RERG: variants seen among roughly 807,000 people sequenced by gnomAD.
RERG encodes RAS like estrogen regulated growth inhibitor.
A neutral mutation model predicts 23.2 loss-of-function variants in RERG; 25 were observed. The ratio of observed to expected loss-of-function variants is 1.08; its 90% CI spans 0.79 to 1.50. RERG has a LOEUF of 1.50. RERG is among the 40% of genes most tolerant of loss of function. RERG has a pLI of 0.00. For missense variants in RERG, 253 were observed against 250.1 expected, an observed-to-expected ratio of 1.01 and a Z score of -0.08; for synonymous variants, 81 against 89.1, an observed-to-expected ratio of 0.91 and a Z score of 0.51.
intron 2 of RERG, among the ~76,000 whole-genome samples, chr12:15,136,077 G>A (rs1427101625): frequency 6.6e-6 from 1 of 151,986 alleles, no homozygotes; most frequent in African/African-American, 2.4e-5. Flanking sequence ...TTCTTTAATA[G>A]GTATATGCCT....
At chr12:15,215,901 C>T (rs1865435352) in intron 2 of RERG, among the ~76,000 whole-genome samples, 1 of 152,160 alleles carries the variant, frequency 6.6e-6, no homozygotes, top group Non-Finnish European at 1.5e-5. Context: ...GTGGTTCTCT[C>T]AGCTGAGTTT....
chr12:15,129,073 C>T (rs114080395), intron 2 of RERG, among the ~76,000 whole-genome samples: 246 of 152,206 alleles, frequency 1.6e-3, no homozygotes, highest in East Asian at 6.0e-3. Flanking sequence ...ATCCCAGGAC[C>T]GAGTGAGTCC....
At chr12:15,154,674 C>G (rs919793139) in intron 2 of RERG, among the ~76,000 whole-genome samples, 1 of 152,142 alleles carries the variant, frequency 6.6e-6, no homozygotes, top group Non-Finnish European at 1.5e-5. Flanking sequence ...TGTGGCAGCT[C>G]GTTGGTCTCC....
chr12:15,201,748 T>C (rs1327695917), intron 2 of RERG, among the ~76,000 whole-genome samples: 1 of 151,282 alleles, frequency 6.6e-6, no homozygotes, highest in Non-Finnish European at 1.5e-5. Flanking sequence ...TATTAATTAT[T>C]AGTAATTGTT....
At chr12:15,207,355 GA>G (rs1865306008) in intron 2 of RERG, among the ~76,000 whole-genome samples, 2 of 152,064 alleles carry the variant, frequency 1.3e-5, no homozygotes. Flanking sequence ...GGATGAAAAT[GA>G]ACATCTATAC....
chr12:15,175,175 T>C (rs1383769178), intron 2 of RERG, among the ~76,000 whole-genome samples: 1 of 151,902 alleles, frequency 6.6e-6, no homozygotes, highest in Non-Finnish European at 1.5e-5. Flanking sequence ...GTTTTTTTTT[T>C]TGTTTTGTAA....
At chr12:15,177,386 G>C (rs921088184) in intron 2 of RERG, among the ~76,000 whole-genome samples, 7 of 152,174 alleles carry the variant, frequency 4.6e-5, no homozygotes, top group African/African-American at 1.7e-4. Flanking sequence ...CCAGGAGGTG[G>C]AGGTTGCAGT....
intron 2 of RERG, among the ~76,000 whole-genome samples, chr12:15,160,584 A>G (rs528965048): frequency 6.6e-6 from 1 of 152,296 alleles, no homozygotes; most frequent in African/African-American, 2.4e-5. Context: ...TATTTATCCC[A>G]CAGGATAATT....
intron 2 of RERG, among the ~76,000 whole-genome samples, chr12:15,198,816 TC>T (rs1865179405): frequency 6.6e-6 from 1 of 152,160 alleles, no homozygotes; most frequent in Non-Finnish European, 1.5e-5. Flanking sequence ...TCTTCCTTTG[TC>T]ACATCTCCCC....
chr12:15,164,258 A>C (rs1260547591), intron 2 of RERG, among the ~76,000 whole-genome samples: 1 of 152,158 alleles, frequency 6.6e-6, no homozygotes, highest in Non-Finnish European at 1.5e-5. Context: ...AGAGCTTCTG[A>C]AGTAAGCTCA....
At chr12:15,118,707 G>GC (rs11304709) in intron 3 of RERG, among the ~76,000 whole-genome samples, 93 of 150,830 alleles carry the variant, frequency 6.2e-4, no homozygotes, top group South Asian at 2.1e-3. Context: ...TGTCTGGCAT[G>GC]CCCCCCCCCA....
intron 2 of RERG, among the ~76,000 whole-genome samples, chr12:15,177,704 A>ATTTTTAT (rs1864869625): frequency 6.6e-6 from 1 of 152,172 alleles, no homozygotes; most frequent in African/African-American, 2.4e-5. Context: ...TCTTACAAAC[A>ATTTTTAT]TTTAGGCTCC....
At chr12:15,116,101 T>C (rs1247155915) in intron 3 of RERG, among the ~76,000 whole-genome samples, 1 of 152,208 alleles carries the variant, frequency 6.6e-6, no homozygotes, top group Admixed American at 6.5e-5. Flanking sequence ...TTTTGTATGA[T>C]TTAATGCTCT....
At chr12:15,161,864 A>G (rs1049181662) in intron 2 of RERG, among the ~76,000 whole-genome samples, 2 of 152,198 alleles carry the variant, frequency 1.3e-5, no homozygotes, top group Non-Finnish European at 2.9e-5. Context: ...TTCCCAAAAC[A>G]TACAAAGTAT....
chr12:15,201,342 A>C (rs1035574232), intron 2 of RERG, among the ~76,000 whole-genome samples: 4 of 151,826 alleles, frequency 2.6e-5, no homozygotes, highest in African/African-American at 7.2e-5. Context: ...GCCTGAGCTG[A>C]ATACTAGCTC....
At chr12:15,111,517 T>C in intron 3 of RERG, 100 bp from the exon 4 acceptor site, 3 of 880,222 alleles carry the variant, frequency 3.4e-6, no homozygotes, top group Non-Finnish European at 5.5e-6. Context: ...GTATTCCTGA[T>C]TTTACAGCAT....
chr12:15,111,074 C>A, intron 4 of RERG: 1 of 273,794 alleles, frequency 3.7e-6, no homozygotes, highest in South Asian at 1.3e-4. Context: ...TCTTGCTATG[C>A]CACAAAATAT....
At chr12:15,202,208 T>G (rs1051356033) in intron 2 of RERG, among the ~76,000 whole-genome samples, 1 of 151,776 alleles carries the variant, frequency 6.6e-6, no homozygotes, top group Non-Finnish European at 1.5e-5. Context: ...ATCACCACAA[T>G]TAAGGGTAAT....
At chr12:15,202,118 T>C (rs555873674) in intron 2 of RERG, among the ~76,000 whole-genome samples, 6 of 151,954 alleles carry the variant, frequency 3.9e-5, no homozygotes, top group African/African-American at 1.2e-4. Context: ...CATTGGAATA[T>C]AATTAATAGG....
Sources: allele counts gnomAD v4.1 joint callset (sites outside exome capture counted in the v4.1 genomes callset), GRCh38; gene constraint gnomAD v4.1.1; transcripts MANE v1.5; gene names NCBI Gene and HGNC (gene_info 2026-07-23, HGNC 2026-07-21).